CHD5: variants seen among roughly 807,000 people sequenced by gnomAD.
CHD5 encodes the protein chromodomain helicase DNA binding protein 5, also known as ATP-dependent chromatin remodeler CHD5.
In CHD5, 69 loss-of-function variants were observed where a neutral mutation model predicts 230.3. The ratio of observed to expected loss-of-function variants is 0.30; its 90% CI spans 0.25 to 0.37. The LOEUF (loss-of-function observed/expected upper bound fraction) is 0.37. CHD5 is among the 10% of genes least tolerant of loss of function. The probability of loss-of-function intolerance (pLI) is 1.00; values close to 1 mark genes in which losing one functional copy is unlikely to be tolerated. For synonymous variants in CHD5, 1,064 were observed against 1,065.9 expected (o/e 1.00, Z 0.03); for missense variants, 1,827 against 2,622.8 (o/e 0.70, Z 6.63).
chr1:6,144,811 A>G (rs968393639), intron 11 of CHD5, among the ~76,000 whole-genome samples: 1 of 152,214 alleles, frequency 6.6e-6, no homozygotes, highest in Admixed American at 6.5e-5. Context: ...CCGAGGAGGC[A>G]CACAGACCCG....
chr1:6,169,587 G>A (rs1217455040), intron 1 of CHD5, among the ~76,000 whole-genome samples: 1 of 152,210 alleles, frequency 6.6e-6, no homozygotes, highest in East Asian at 1.9e-4. Flanking sequence ...GAGTTCCCAC[G>A]CACCAGATAT....
rs1667056093 is a variant in CHD5, at chr1:6,154,784, T to C, written c.621A>G (p.Ala207=). 1 of 1,613,298 alleles carries C rather than the reference T, an allele frequency of 6.2e-7. No homozygotes were observed. Among genetic ancestry groups the C allele is most frequent in the African/African-American group, 1.3e-5 (1 of 74,920 alleles). ...ANNPFKGSSA[A]AAAAAVAAAV... ...CCGCAGCCACCGCCGCCGCCGCTGC[T>C]GCCGCGGAGCTGCCCTTGAAGGGGT... The change falls in exon 5 of 42, where the codon GCA becomes GCG. Residue 207 remains alanine, a synonymous_variant. Transcript: ENST00000262450. The surrounding 1 kb of genome is among the most constrained non-coding windows in gnomAD (Gnocchi z 7.0).
chr1:6,138,818 C>G (rs1666783789), intron 15 of CHD5, among the ~76,000 whole-genome samples: 1 of 152,188 alleles, frequency 6.6e-6, no homozygotes, highest in Non-Finnish European at 1.5e-5. Context: ...ACCCATAATC[C>G]TTCCCATCAG....
At position 6,126,767 on chromosome 1, in the gene CHD5, G is replaced by T. The variant is rs1408292017; in HGVS notation, c.3904-21C>A. ...TCCTCCTGGGGACGCAGCACCACGG[G>T]TTCCATGGGTGGAGCCATCTCTGCC... On this transcript the variant is annotated intron_variant, in intron 25 of 41. Coordinates refer to ENST00000262450, the MANE Select transcript of CHD5 (RefSeq NM_015557.3). The surrounding 1 kb of genome is among the most constrained non-coding windows in gnomAD (Gnocchi z 5.7). 6.2e-7 allele frequency: 1 copy of T among 1,607,142 alleles called. No individual in the cohort carries two copies. The highest frequency in any genetic ancestry group is 8.5e-7 in the Non-Finnish European group (1 of 1,175,282).
intron 1 of CHD5, among the ~76,000 whole-genome samples, chr1:6,176,245 C>T (rs1667424885): frequency 6.6e-6 from 1 of 152,162 alleles, no homozygotes; most frequent in Non-Finnish European, 1.5e-5. Context: ...ATGTCATGGC[C>T]TTTTGGGAAT....
rs200932329 is a variant in CHD5, at chr1:6,128,222, G to C, written c.3731-4C>G. On this transcript the variant is annotated splice_polypyrimidine_tract_variant and splice_region_variant and intron_variant, in intron 24 of 41. Transcript: ENST00000262450. The surrounding 1 kb of genome is among the most constrained non-coding windows in gnomAD (Gnocchi z 7.8). ...TCCTCCACGTCCTTGTTGTCACCTGGGGAGCAGGCAAATGCAGTGTGAGGA... is the reference window on the plus strand; with the variant it reads ...TCCTCCACGTCCTTGTTGTCACCTGCGGAGCAGGCAAATGCAGTGTGAGGA... 1 of 1,613,728 alleles carries C rather than the reference G, an allele frequency of 6.2e-7. No homozygotes were observed. The highest frequency in any genetic ancestry group is 1.1e-5 in the South Asian group (1 of 91,056).
At chr1:6,174,729 A>G (rs1396126866) in intron 1 of CHD5, among the ~76,000 whole-genome samples, 1 of 148,670 alleles carries the variant, frequency 6.7e-6, no homozygotes, top group Non-Finnish European at 1.5e-5. Flanking sequence ...TGGATGGTGA[A>G]TAAGTGGATA....
At chr1:6,162,492 G>A (rs1284235109) in intron 2 of CHD5, among the ~76,000 whole-genome samples, 4 of 152,180 alleles carry the variant, frequency 2.6e-5, no homozygotes, top group Non-Finnish European at 2.9e-5. Flanking sequence ...GGGTGGAGGG[G>A]AGGGATGGGA....
In CHD5 at chr1:6,125,338, G is replaced by C; in HGVS notation, c.4261-105C>G. ...GCATGGGAGGAGGAGAAGGTAGGAA[G>C]GGGGCACAGAGAAGGCAGGGGCCTC... On this transcript the variant is annotated intron_variant, in intron 28 of 41. Transcript: ENST00000262450. The surrounding 1 kb of genome is among the most constrained non-coding windows in gnomAD (Gnocchi z 6.7). 1 of 1,283,528 alleles carries C rather than the reference G, an allele frequency of 7.8e-7. No homozygotes were observed. Among genetic ancestry groups the C allele is most frequent in the Non-Finnish European group, 1.1e-6 (1 of 936,594 alleles). 79.5% of individuals were successfully genotyped at this position (1,283,528 alleles called of 1,614,324 possible). A position where few individuals can be genotyped will look rare whatever the true frequency, so the allele number is the denominator to read the frequency against.
intron 7 of CHD5, 103 bp from the exon 8 acceptor site, chr1:6,149,515 A>C: frequency 8.4e-7 from 1 of 1,194,008 alleles, no homozygotes; most frequent in Non-Finnish European, 1.1e-6. Flanking sequence ...GATGTCTAAT[A>C]GAGGGTGGAT....
intron 1 of CHD5, among the ~76,000 whole-genome samples, chr1:6,179,490 C>T (rs1185217607): frequency 6.6e-6 from 1 of 152,002 alleles, no homozygotes; most frequent in Non-Finnish European, 1.5e-5. Context: ...CCCAGCCCGC[C>T]CCGCGGCCGA....
Position 6,131,609 on chromosome 1 carries a change from C to A in CHD5, c.3262+22G>T. On this transcript the variant is annotated intron_variant, in intron 21 of 41. Transcript: ENST00000262450. The surrounding 1 kb of genome is among the most constrained non-coding windows in gnomAD (Gnocchi z 5.0). ...GGCCAAAAAGGAGTCTCAATCAGAA[C>A]CCTTGGGCAGGATGGGGGTACCATT... 2.1e-6 allele frequency: 3 copies of A among 1,437,306 alleles called. No individual in the cohort carries two copies. In the East Asian group the frequency reaches 6.8e-5, roughly 33 times the overall value. The allele number at this position is 1,437,306 out of a possible 1,614,324, so 89.0% of individuals were successfully genotyped here. A position where few individuals can be genotyped will look rare whatever the true frequency, so the allele number is the denominator to read the frequency against.
Position 6,109,928 on chromosome 1 carries a change from C to T in CHD5, c.5445G>A (p.Thr1815=), listed in dbSNP as rs116111541. 5,720 of 1,605,722 alleles carry T rather than the reference C, an allele frequency of 3.6e-3. 155 individuals are homozygous for T. In the African/African-American group the frequency reaches 0.065, roughly 18 times the overall value. The change falls in exon 38 of 42, where the codon ACG becomes ACA. Residue 1815 remains threonine, a synonymous_variant. Transcript: ENST00000262450. ...CCATGGCGGGGTGGTTGGGGTCCTG[C>T]GTCATGTTCAGGTACGCGGCCCTCC... is the stretch of plus-strand genomic sequence containing the variant. The part of the protein sequence containing the change: ...QLRRAAYLNM[T]QDPNHPAMAL...
Position 6,121,669 on chromosome 1 carries a change from C to A in CHD5, c.4700-96G>T. ...GCAGAGAGGAGAGATGGGGGCTTGG[C>A]CTTCGGGAGGCTCCACTGCAGCCAA... On this transcript the variant is annotated intron_variant, in intron 31 of 41. Coordinates refer to ENST00000262450, the MANE Select transcript of CHD5 (RefSeq NM_015557.3). The surrounding 1 kb of genome is among the most constrained non-coding windows in gnomAD (Gnocchi z 4.5). The A allele has an allele frequency of 1.2e-6, 1 of 817,096 alleles. No individual in the cohort carries two copies. Among genetic ancestry groups the A allele is most frequent in the South Asian group, 1.7e-5 (1 of 59,552 alleles). The allele number at this position is 817,096 out of a possible 1,614,324, so 50.6% of individuals were successfully genotyped here.
Position 6,142,469 on chromosome 1 carries a change from A to C in CHD5, c.2180T>G (p.Met727Arg). Reference sequence around the variant, plus strand: ...GGTCTGCACCGTCTTGCCCAGACCCATCTCATCGGCCAGGATGGTGTCAGT... The same window carrying C: ...GGTCTGCACCGTCTTGCCCAGACCCCTCTCATCGGCCAGGATGGTGTCAGT... ...QGTDTILADE[M>R]GLGKTVQTIV... is the part of the protein sequence containing the mutation. Residue 727 changes from methionine to arginine, a missense_variant, in exon 14 of 42, where the codon ATG becomes AGG. Physicochemically the swap from Met to Arg is moderately conservative, Grantham distance 91. Transcript: ENST00000262450. The surrounding 1 kb of genome is among the most constrained non-coding windows in gnomAD (Gnocchi z 5.2). The C allele has an allele frequency of 6.2e-7, 1 of 1,614,190 alleles. No individual in the cohort carries two copies.
At chr1:6,115,596 G>A (rs1225340270) in intron 33 of CHD5, among the ~76,000 whole-genome samples, 2 of 152,194 alleles carry the variant, frequency 1.3e-5, no homozygotes, top group Non-Finnish European at 2.9e-5. Flanking sequence ...GGAATGTGGT[G>A]GCTTCCAGGT....
intron 33 of CHD5, among the ~76,000 whole-genome samples, chr1:6,120,501 TAA>T (rs5772220): frequency 1.9e-4 from 21 of 109,990 alleles, no homozygotes; most frequent in Admixed American, 3.9e-4. Flanking sequence ...TACTAAAAAT[TAA>T]AAAAAAAAAA....
chr1:6,173,326 G>C (rs1046077882), intron 1 of CHD5, among the ~76,000 whole-genome samples: 1 of 151,846 alleles, frequency 6.6e-6, no homozygotes, highest in Non-Finnish European at 1.5e-5. Flanking sequence ...GGATGGTCTC[G>C]ATCTCCTGAC....
intron 1 of CHD5, among the ~76,000 whole-genome samples, chr1:6,171,651 C>A (rs1297465271): frequency 6.6e-6 from 1 of 152,264 alleles, no homozygotes; most frequent in East Asian, 1.9e-4. Context: ...CACGGTCAGC[C>A]TTTCCCCAAG....
Sources: allele counts gnomAD v4.1 joint callset (sites outside exome capture counted in the v4.1 genomes callset), GRCh38; gene constraint gnomAD v4.1.1; non-coding constraint Gnocchi (gnomAD v3.1); transcripts MANE v1.5; gene names NCBI Gene and HGNC (gene_info 2026-07-23, HGNC 2026-07-21).